DGKB: variants seen among roughly 807,000 people sequenced by gnomAD.
DGKB encodes diacylglycerol kinase beta, also known as 90 kDa diacylglycerol kinase.
A neutral mutation model predicts 114.3 loss-of-function variants in DGKB; 67 were observed. The ratio of observed to expected loss-of-function variants is 0.59; its 90% CI spans 0.48 to 0.72. DGKB has a LOEUF of 0.72. DGKB is among the 30% of genes least tolerant of loss of function. The probability of loss-of-function intolerance (pLI) is 0.00; values close to 1 mark genes in which losing one functional copy is unlikely to be tolerated. For synonymous variants in DGKB, 398 were observed against 323.1 expected, an observed-to-expected ratio of 1.23 and a Z score of -2.49; for missense variants, 907 against 975.2, an observed-to-expected ratio of 0.93 and a Z score of 0.93.
chr7:14,333,156 C>T (rs971873162), intron 23 of DGKB, among the ~76,000 whole-genome samples: 3 of 151,982 alleles, frequency 2.0e-5, no homozygotes, highest in Non-Finnish European at 4.4e-5. Flanking sequence ...CTAACACTCT[C>T]AACACAATCA....
At chr7:14,974,379 A>G (rs1198121974) in intron 1 of DGKB, among the ~76,000 whole-genome samples, 1 of 152,124 alleles carries the variant, frequency 6.6e-6, no homozygotes, top group Non-Finnish European at 1.5e-5. Context: ...TTGCTTAATT[A>G]AAAAAGGAAT....
At chr7:14,865,734 G>A (rs1851613020) in intron 1 of DGKB, among the ~76,000 whole-genome samples, 1 of 152,110 alleles carries the variant, frequency 6.6e-6, no homozygotes, top group African/African-American at 2.4e-5. Context: ...CGAATTTAAA[G>A]ATTTGGGAGT....
chr7:14,511,550 A>G (rs1787981173), intron 20 of DGKB, among the ~76,000 whole-genome samples: 1 of 152,206 alleles, frequency 6.6e-6, no homozygotes, highest in African/African-American at 2.4e-5. Flanking sequence ...AACTTGCTCC[A>G]TATCAGTAAT....
intron 23 of DGKB, among the ~76,000 whole-genome samples, chr7:14,253,040 T>TG: frequency 6.9e-6 from 1 of 144,588 alleles, no homozygotes; most frequent in East Asian, 2.0e-4. Context: ...TTAAATTCAT[T>TG]TTTTTTTTTT....
chr7:14,352,867 G>A (rs961085886), intron 21 of DGKB, among the ~76,000 whole-genome samples: 5 of 152,118 alleles, frequency 3.3e-5, no homozygotes, highest in African/African-American at 9.7e-5. Context: ...AGGCTGCAGT[G>A]AGCTGAGATC....
intron 2 of DGKB, among the ~76,000 whole-genome samples, chr7:14,758,442 A>G (rs1316370965): frequency 6.6e-6 from 1 of 152,118 alleles, no homozygotes; most frequent in African/African-American, 2.4e-5. Flanking sequence ...TTGAAATATA[A>G]TTTTTGATTT....
At chr7:14,416,282 G>GT (rs1260807789) in intron 21 of DGKB, among the ~76,000 whole-genome samples, 1 of 151,980 alleles carries the variant, frequency 6.6e-6, no homozygotes, top group Non-Finnish European at 1.5e-5. Flanking sequence ...AAATTTCTAT[G>GT]TTTTTTTCAG....
intron 23 of DGKB, among the ~76,000 whole-genome samples, chr7:14,273,628 G>A (rs562136216): frequency 3.9e-5 from 6 of 152,262 alleles, no homozygotes; most frequent in South Asian, 4.1e-4. Context: ...AAATTTTCAC[G>A]TGATAAGGTT....
At chr7:14,912,429 T>C in intron 1 of DGKB, among the ~76,000 whole-genome samples, 1 of 152,150 alleles carries the variant, frequency 6.6e-6, no homozygotes, top group East Asian at 1.9e-4. Flanking sequence ...ATTTAGAGTG[T>C]GCCTCAGAGG....
At position 14,801,001 on chromosome 7, in the gene DGKB, A is replaced by G. The variant is rs28802611; in HGVS notation, c.70+40193T>C. Among the ~76,000 whole-genome samples the G allele has an allele frequency of 5.3e-3, 805 of 152,302 alleles. 5 individuals carry two copies. The highest frequency in any genetic ancestry group is 0.018 in the African/African-American group (757 of 41,564). On this transcript the variant is annotated intron_variant, in intron 2 of 25. Coordinates refer to ENST00000402815, the MANE Select transcript of DGKB (RefSeq NM_001350709.2). ...TATAAACACCACCTAAAACCATGTGATCAGCTATAGAAACAAGGAAAAAAG... is the reference window on the plus strand; with the variant it reads ...TATAAACACCACCTAAAACCATGTGGTCAGCTATAGAAACAAGGAAAAAAG...
At chr7:14,187,817 G>A (rs1783671780) in intron 23 of DGKB, among the ~76,000 whole-genome samples, 1 of 151,862 alleles carries the variant, frequency 6.6e-6, no homozygotes, top group African/African-American at 2.4e-5. Context: ...AATTAACATG[G>A]CACCCACAAA....
At chr7:14,855,121 G>A (rs1179333433) in intron 1 of DGKB, among the ~76,000 whole-genome samples, 1 of 152,150 alleles carries the variant, frequency 6.6e-6, no homozygotes, top group Non-Finnish European at 1.5e-5. Flanking sequence ...GTGAAATGAG[G>A]TTGTAATATT....
chr7:14,205,384 C>A (rs1009750982), intron 23 of DGKB, among the ~76,000 whole-genome samples: 2 of 151,876 alleles, frequency 1.3e-5, no homozygotes, highest in African/African-American at 4.8e-5. Flanking sequence ...TCTTTCCTAT[C>A]TCTTTTCTTA....
At chr7:14,593,104 G>A (rs1445475114) in intron 17 of DGKB, among the ~76,000 whole-genome samples, 2 of 151,980 alleles carry the variant, frequency 1.3e-5, no homozygotes, top group Non-Finnish European at 1.5e-5. Context: ...TAGAGTATTT[G>A]AAAAATATAC....
At chr7:14,587,105 C>A (rs972966846) in intron 17 of DGKB, among the ~76,000 whole-genome samples, 12 of 152,084 alleles carry the variant, frequency 7.9e-5, no homozygotes, top group African/African-American at 2.9e-4. Flanking sequence ...TAATTGACAA[C>A]CTCTGTAAAG....
intron 15 of DGKB, among the ~76,000 whole-genome samples, chr7:14,620,204 T>G (rs1336295785): frequency 2.0e-5 from 3 of 151,380 alleles, no homozygotes; most frequent in Non-Finnish European, 4.4e-5. Context: ...AAATTAAATT[T>G]TCTGTTCTCT....
chr7:14,312,249 C>T (rs766248058), intron 23 of DGKB, among the ~76,000 whole-genome samples: 1 of 152,202 alleles, frequency 6.6e-6, no homozygotes, highest in Non-Finnish European at 1.5e-5. Context: ...GAACGCCACA[C>T]TGGTCCATTA....
chr7:14,198,529 G>C (rs544701286), intron 23 of DGKB, among the ~76,000 whole-genome samples: 34 of 152,098 alleles, frequency 2.2e-4, no homozygotes, highest in Non-Finnish European at 4.0e-4. Flanking sequence ...ATAATGGGCT[G>C]CATTATAGAA....
At position 14,247,388 on chromosome 7, in the gene DGKB, A is replaced by T. The variant is rs185227162; in HGVS notation, c.2123-69237T>A. On this transcript the variant is annotated intron_variant, in intron 23 of 25. Transcript: ENST00000402815. The stretch of plus-strand genomic sequence containing the variant: ...TACCCAGCATTTAGATTGCTGGATC[A>T]TAGGCAGTTCTGTTTTTAATTTTGT... Among the ~76,000 whole-genome samples, 212 of 152,276 alleles carry T rather than the reference A, an allele frequency of 1.4e-3. 1 individual carries two copies. Among genetic ancestry groups the T allele is most frequent in the African/African-American group, 4.8e-3 (198 of 41,572 alleles).
Sources: gnomAD v4.1 joint callset for allele counts (sites outside exome capture counted in the v4.1 genomes callset) on GRCh38, gnomAD v4.1.1 for gene constraint, MANE v1.5 for transcripts, NCBI Gene and HGNC (gene_info 2026-07-23, HGNC 2026-07-21) for gene names.